Variants in ANXA6 observed in about 807,000 individuals in gnomAD.
The protein encoded by ANXA6 is 67 kDa calelectrin.
ANXA6 carries 71 observed loss-of-function variants against 95.4 expected under a neutral mutation model. The ratio of observed to expected loss-of-function variants is 0.74; its 90% CI spans 0.61 to 0.91. The LOEUF (loss-of-function observed/expected upper bound fraction) is 0.91. ANXA6 is among the 40% of genes least tolerant of loss of function. The pLI, the probability that ANXA6 is intolerant of heterozygous loss-of-function variation, is 0.00. For missense variants in ANXA6, 830 were observed against 876.4 expected (o/e 0.95, Z 0.67); for synonymous variants, 289 against 315.9 (o/e 0.91, Z 0.90).
At chr5:151,129,883 G>A (rs191428774) in intron 11 of ANXA6, among the ~76,000 whole-genome samples, 13 of 152,188 alleles carry the variant, frequency 8.5e-5, no homozygotes, top group Admixed American at 3.3e-4. Flanking sequence ...GCTAATTTTT[G>A]TATTTTTAGT....
chr5:151,143,511 G>A (rs181232325), intron 2 of ANXA6, among the ~76,000 whole-genome samples: 1 of 152,066 alleles, frequency 6.6e-6, no homozygotes. Flanking sequence ...ATTCAATCAA[G>A]CAAGCAAGCA....
chr5:151,149,878 G>C (rs1766067146), intron 1 of ANXA6, among the ~76,000 whole-genome samples: 1 of 152,148 alleles, frequency 6.6e-6, no homozygotes, highest in South Asian at 2.1e-4. Flanking sequence ...CAGCACTTTG[G>C]GAGGCCAAGC....
intron 25 of ANXA6, among the ~76,000 whole-genome samples, 174 bp from the exon 26 acceptor site, chr5:151,101,681 T>C (rs1764555654): frequency 6.6e-6 from 1 of 152,098 alleles, no homozygotes; most frequent in Non-Finnish European, 1.5e-5. Flanking sequence ...TGTGACCACG[T>C]CCCTTTTGTT....
At chr5:151,130,775 A>T (rs1714292365) in intron 11 of ANXA6, among the ~76,000 whole-genome samples, 1 of 152,192 alleles carries the variant, frequency 6.6e-6, no homozygotes, top group South Asian at 2.1e-4. Flanking sequence ...CCTCCAGTGC[A>T]TCACAAAAAT....
chr5:151,133,243 C>T, intron 8 of ANXA6, 56 bp from the exon 9 acceptor site: 2 of 1,315,790 alleles, frequency 1.5e-6, no homozygotes, highest in Non-Finnish European at 1.1e-6. Context: ...AGACAGGACA[C>T]ACTGACCAAG....
At chr5:151,139,203 C>G in intron 4 of ANXA6, 150 bp downstream of exon 4, 2 of 622,228 alleles carry the variant, frequency 3.2e-6, no homozygotes, top group Non-Finnish European at 5.6e-6. Flanking sequence ...GAAAGACGCC[C>G]AGCTGATGAG....
chr5:151,134,310 G>T, intron 8 of ANXA6, 117 bp downstream of exon 8: 2 of 974,172 alleles, frequency 2.1e-6, no homozygotes, highest in South Asian at 1.3e-5. Flanking sequence ...CTGTGGCTGG[G>T]TTATTTCTGG....
At chr5:151,129,292 G>T in intron 12 of ANXA6, 115 bp downstream of exon 12, 1 of 1,345,500 alleles carries the variant, frequency 7.4e-7, no homozygotes, top group Non-Finnish European at 1.0e-6. Flanking sequence ...CTCCTGGAAT[G>T]TCCAAGAGAC....
chr5:151,140,594 A>ATATATATATATATATATATATATATATT lies in ANXA6; in HGVS notation c.19-352_19-351insAATATATATATATATATATATATATATA, dbSNP rs201589041. 363 of 141,412 alleles carry ATATATATATATATATATATATATATATT rather than the reference A, an allele frequency of 2.6e-3. 3 individuals are homozygous for ATATATATATATATATATATATATATATT. Among genetic ancestry groups the ATATATATATATATATATATATATATATT allele is most frequent in the South Asian group, 9.7e-3 (43 of 4,436 alleles). The allele number at this position is 141,412 out of a possible 1,614,324, so 8.8% of individuals were successfully genotyped here. On this transcript the variant is annotated intron_variant, in intron 2 of 25. Transcript: ENST00000354546. Reference sequence around the variant, plus strand: ...AAGAGTCAAATATATATATATATATATATATATATATTTTAAGAGATGGGG... The same window carrying ATATATATATATATATATATATATATATT: ...AAGAGTCAAATATATATATATATATATATATATATATATATATATATATATATTTATATATATATTTTAAGAGATGGGG...
In ANXA6 at chr5:151,134,458, A is replaced by G. The variant is rs756580976; in HGVS notation, c.515T>C (p.Val172Ala). 3.7e-6 allele frequency: 6 copies of G among 1,613,830 alleles called. No homozygotes were observed. The highest frequency in any genetic ancestry group is 3.3e-5 in the South Asian group (3 of 91,082). The change falls in exon 8 of 26, where the codon GTG (valine) becomes GCG (alanine). Residue 172 changes from valine to alanine, a missense_variant. Transcript: ENST00000354546. ...LQGTREEDDV[V>A]SEDLVQQDVQ... is the part of the protein sequence containing the mutation. ...ATCCTGTTGTACCAGGTCCTCGCTCACTACGTCATCCTCCTCCCTGGTTCC... is the reference window on the plus strand; with the variant it reads ...ATCCTGTTGTACCAGGTCCTCGCTCGCTACGTCATCCTCCTCCCTGGTTCC...
At chr5:151,138,328 T>C (rs1211370105) in intron 5 of ANXA6, among the ~76,000 whole-genome samples, 1 of 152,166 alleles carries the variant, frequency 6.6e-6, no homozygotes, top group African/African-American at 2.4e-5. Flanking sequence ...AACTTGATCC[T>C]ATTATCCTTT....
At chr5:151,106,266 C>T (rs149978244) in intron 23 of ANXA6, among the ~76,000 whole-genome samples, 1 of 152,222 alleles carries the variant, frequency 6.6e-6, no homozygotes, top group Admixed American at 6.5e-5. Context: ...CCAGAGCCCA[C>T]GCACAGGTGT....
At position 151,122,152 on chromosome 5, in the gene ANXA6, T is replaced by C. The variant is rs1342796955; in HGVS notation, c.1342A>G (p.Met448Val). ...CCCCTGGTGCCACACTGTACCTCCA[T>C]GGCCTTCTTCAACTGCTTGGCATCG... ...HYDAKQLKKA[M>V]EGAGTDEKAL... Residue 448 changes from methionine (M) to valine (V), a missense_variant, in exon 17 of 26, where the codon ATG becomes GTG. By Grantham distance (21) the Met-to-Val change is conservative. Coordinates refer to ENST00000354546, the MANE Select transcript of ANXA6 (RefSeq NM_001155.5). 1 of 1,591,848 alleles carries C rather than the reference T, an allele frequency of 6.3e-7. No individual in the cohort carries two copies. The highest frequency in any genetic ancestry group is 1.2e-5 in the South Asian group (1 of 86,956).
chr5:151,115,264 A>G (rs1178864997), intron 20 of ANXA6, among the ~76,000 whole-genome samples: 1 of 152,180 alleles, frequency 6.6e-6, no homozygotes, highest in African/African-American at 2.4e-5. Flanking sequence ...GCTTATTACT[A>G]TTAGGTTATG....
intron 20 of ANXA6, among the ~76,000 whole-genome samples, chr5:151,113,874 C>T (rs761861529): frequency 1.1e-4 from 16 of 152,192 alleles, no homozygotes; most frequent in East Asian, 3.8e-4. Context: ...GTGGAAATAA[C>T]CCAAATGTCC....
intron 17 of ANXA6, among the ~76,000 whole-genome samples, chr5:151,119,716 C>T (rs879416920): frequency 1.3e-4 from 20 of 152,200 alleles, no homozygotes; most frequent in Admixed American, 3.9e-4. Context: ...AACAGAAGGA[C>T]ACGCACATGC....
intron 23 of ANXA6, among the ~76,000 whole-genome samples, chr5:151,107,304 G>A (rs1764720205): frequency 6.6e-6 from 1 of 152,228 alleles, no homozygotes; most frequent in African/African-American, 2.4e-5. Flanking sequence ...TATGGGCTGG[G>A]CACTGTTGTT....
intron 6 of ANXA6, among the ~76,000 whole-genome samples, chr5:151,136,987 T>C (rs1047070510): frequency 6.6e-6 from 1 of 152,246 alleles, no homozygotes; most frequent in African/African-American, 2.4e-5. Context: ...GTTTATTGTG[T>C]GTCTCCTTCA....
At chr5:151,114,877 G>A (rs1045541128) in intron 20 of ANXA6, among the ~76,000 whole-genome samples, 1 of 152,104 alleles carries the variant, frequency 6.6e-6, no homozygotes, top group Non-Finnish European at 1.5e-5. Flanking sequence ...AGACCGCCAG[G>A]GAGGCAGTGT....
Sources: allele counts gnomAD v4.1 joint callset (sites outside exome capture counted in the v4.1 genomes callset), GRCh38; gene constraint gnomAD v4.1.1; transcripts MANE v1.5; gene names NCBI Gene and HGNC (gene_info 2026-07-23, HGNC 2026-07-21).